The following ADAM32 variants were observed in gnomAD, a reference collection of about 807,000 sequenced individuals.
The protein encoded by ADAM32 is disintegrin and metalloproteinase domain-containing protein 32.
Under a neutral mutation model 114.9 loss-of-function variants are expected in ADAM32, and 89 were observed. The observed-to-expected ratio is 0.77, with a 90% CI of 0.65 to 0.92. The LOEUF (loss-of-function observed/expected upper bound fraction) is 0.92, where lower values mean the gene tolerates loss of function less well. Ranked by LOEUF, ADAM32 falls within the 40% of genes least tolerant of loss-of-function variation. ADAM32 has a pLI of 0.00. For synonymous variants in ADAM32, 285 were observed against 307.5 expected, an observed-to-expected ratio of 0.93 and a Z score of 0.77; for missense variants, 870 against 932.8, an observed-to-expected ratio of 0.93 and a Z score of 0.88.
chr8:39,258,203 C>A (rs1396646856), intron 19 of ADAM32, among the ~76,000 whole-genome samples: 1 of 151,074 alleles, frequency 6.6e-6, no homozygotes, highest in Non-Finnish European at 1.5e-5. Flanking sequence ...AAACATGTAA[C>A]TTTTGGTTTC....
At chr8:39,191,759 A>T (rs538526801) in intron 11 of ADAM32, among the ~76,000 whole-genome samples, 1 of 152,022 alleles carries the variant, frequency 6.6e-6, no homozygotes, top group South Asian at 2.1e-4. Context: ...TTTTAATCAG[A>T]TCTCATTTGT....
intron 11 of ADAM32, among the ~76,000 whole-genome samples, chr8:39,195,852 G>A (rs972942162): frequency 2.6e-5 from 4 of 151,948 alleles, no homozygotes; most frequent in Non-Finnish European, 4.4e-5. Flanking sequence ...ATTAATTTTA[G>A]GATTGTTTTT....
intron 1 of ADAM32, among the ~76,000 whole-genome samples, chr8:39,110,653 A>G (rs1840119493): frequency 6.6e-6 from 1 of 152,200 alleles, no homozygotes; most frequent in Admixed American, 6.5e-5. Context: ...ATTTGCATTC[A>G]CCCCAGCAAT....
intron 6 of ADAM32, chr8:39,158,027 G>T: frequency 3.7e-6 from 1 of 273,712 alleles, no homozygotes; most frequent in South Asian, 4.8e-5. Flanking sequence ...GTATGCCAAT[G>T]ACTGGTGACC....
intron 3 of ADAM32, among the ~76,000 whole-genome samples, chr8:39,139,389 A>G (rs1441078563): frequency 6.6e-6 from 1 of 152,176 alleles, no homozygotes; most frequent in African/African-American, 2.4e-5. Flanking sequence ...AACTTTCTAT[A>G]TATGGCTAGC....
intron 16 of ADAM32, among the ~76,000 whole-genome samples, chr8:39,244,415 T>A (rs1810760744): frequency 6.6e-6 from 1 of 152,132 alleles, no homozygotes; most frequent in Non-Finnish European, 1.5e-5. Context: ...CAGGCTATAA[T>A]CACCAGAACA....
At chr8:39,150,005 G>GCC in intron 5 of ADAM32, 138 bp downstream of exon 5, 1 of 548,764 alleles carries the variant, frequency 1.8e-6, no homozygotes, top group East Asian at 3.2e-5. Flanking sequence ...CTCTGAACAT[G>GCC]TTTCCAATTC....
chr8:39,109,756 T>C (rs1317493729), intron 1 of ADAM32, among the ~76,000 whole-genome samples: 3 of 152,184 alleles, frequency 2.0e-5, no homozygotes. Flanking sequence ...GTCCACAGTT[T>C]GTTTGCATTA....
At position 39,221,718 on chromosome 8, in the gene ADAM32, A is replaced by G; in HGVS notation, c.1326+16A>G. 6.3e-7 allele frequency: 1 copy of G among 1,581,854 alleles called. No individual in the cohort carries two copies. The highest frequency in any genetic ancestry group is 1.7e-5 in the Admixed American group (1 of 58,988). On this transcript the variant is annotated intron_variant, in intron 13 of 24. Transcript: ENST00000379907. ...AGACTGTCAAGTAAGATTTAAGCTTATGAACATCTTTCAAATATATAACAA... is the reference window on the plus strand; with the variant it reads ...AGACTGTCAAGTAAGATTTAAGCTTGTGAACATCTTTCAAATATATAACAA...
At chr8:39,195,493 C>T (rs1806920105) in intron 11 of ADAM32, among the ~76,000 whole-genome samples, 1 of 152,128 alleles carries the variant, frequency 6.6e-6, no homozygotes, top group African/African-American at 2.4e-5. Flanking sequence ...AAGTCTTAGC[C>T]ATAAAATCTG....
intron 12 of ADAM32, among the ~76,000 whole-genome samples, chr8:39,213,420 C>T (rs1465983287): frequency 1.3e-5 from 2 of 152,096 alleles, no homozygotes; most frequent in African/African-American, 4.8e-5. Flanking sequence ...AGTGCTAGCA[C>T]TAATCCCTTC....
intron 18 of ADAM32, among the ~76,000 whole-genome samples, chr8:39,255,562 G>A (rs533520570): frequency 7.2e-5 from 11 of 151,728 alleles, no homozygotes; most frequent in Non-Finnish European, 1.3e-4. Flanking sequence ...CTTAGCCCAT[G>A]TTTTGATGGA....
At chr8:39,212,813 A>G (rs1808315568) in intron 12 of ADAM32, among the ~76,000 whole-genome samples, 1 of 152,206 alleles carries the variant, frequency 6.6e-6, no homozygotes, top group African/African-American at 2.4e-5. Flanking sequence ...TTTATAAGAA[A>G]TTGCCAAAAT....
At chr8:39,261,660 T>C (rs1053342686) in intron 19 of ADAM32, among the ~76,000 whole-genome samples, 1 of 152,212 alleles carries the variant, frequency 6.6e-6, no homozygotes, top group African/African-American at 2.4e-5. Flanking sequence ...TATCCTAGTT[T>C]ATATTCCCAT....
At chr8:39,283,546 A>G in intron 23 of ADAM32, 40 bp from the exon 24 acceptor site, 8 of 1,500,736 alleles carry the variant, frequency 5.3e-6, no homozygotes, top group Non-Finnish European at 7.3e-6. Flanking sequence ...GACAGGTTGT[A>G]TTATATCAGC....
chr8:39,234,164 A>G (rs1013890022), intron 16 of ADAM32, 82 bp downstream of exon 16: 1 of 1,020,432 alleles, frequency 9.8e-7, no homozygotes, highest in Non-Finnish European at 1.3e-6. Context: ...ATTTTAATTT[A>G]GTGCTAGTAT....
At chr8:39,259,861 A>T (rs955504486) in intron 19 of ADAM32, among the ~76,000 whole-genome samples, 5 of 152,236 alleles carry the variant, frequency 3.3e-5, no homozygotes, top group African/African-American at 1.2e-4. Context: ...TGAACACTGC[A>T]TTTCCACAGC....
intron 16 of ADAM32, among the ~76,000 whole-genome samples, chr8:39,243,028 C>A (rs55817221): frequency 0.22 from 32,648 of 151,798 alleles, 3,762 homozygotes; most frequent in East Asian, 0.28. Context: ...AAATAGATAA[C>A]CTAGGGGAGA....
intron 6 of ADAM32, among the ~76,000 whole-genome samples, chr8:39,156,209 G>A (rs1804141038): frequency 6.6e-6 from 1 of 152,130 alleles, no homozygotes; most frequent in African/African-American, 2.4e-5. Context: ...TGCTGGTGCT[G>A]TGATCACAGC....
Sources: gnomAD v4.1 joint callset for allele counts (sites outside exome capture counted in the v4.1 genomes callset) on GRCh38, gnomAD v4.1.1 for gene constraint, MANE v1.5 for transcripts, NCBI Gene and HGNC (gene_info 2026-07-23, HGNC 2026-07-21) for gene names.